CNTN5: variants seen among roughly 807,000 people sequenced by gnomAD.
The protein encoded by CNTN5 is contactin 5, also known as contactin-5.
In CNTN5, 77 loss-of-function variants were observed where a neutral mutation model predicts 129.1. The ratio of observed to expected loss-of-function variants is 0.60; its 90% CI spans 0.50 to 0.72. The LOEUF is 0.72. CNTN5 is among the 30% of genes least tolerant of loss of function. CNTN5 has a pLI of 0.00. For missense variants in CNTN5, 1,478 were observed against 1,328.8 expected, an observed-to-expected ratio of 1.11 and a Z score of -1.75; for synonymous variants, 509 against 465.6, an observed-to-expected ratio of 1.09 and a Z score of -1.20.
chr11:99,561,647 A>G (rs1948846522), intron 3 of CNTN5, among the ~76,000 whole-genome samples: 1 of 6,748 alleles, frequency 1.5e-4, no homozygotes, highest in African/African-American at 3.3e-4. Context: ...GAGATAAGTC[A>G]TGTTGATGAT....
At chr11:99,681,009 A>C (rs1290801451) in intron 3 of CNTN5, among the ~76,000 whole-genome samples, 13 of 151,978 alleles carry the variant, frequency 8.6e-5, no homozygotes, top group African/African-American at 3.1e-4. Context: ...ACTTCAGTGG[A>C]AGAAGTAACT....
At chr11:99,992,209 T>A (rs1939148043) in intron 8 of CNTN5, among the ~76,000 whole-genome samples, 2 of 152,094 alleles carry the variant, frequency 1.3e-5, no homozygotes. Context: ...ACTCCAGCAA[T>A]GATTATTACT....
At chr11:99,203,383 AG>A (rs2135638498) in intron 1 of CNTN5, among the ~76,000 whole-genome samples, 1 of 152,308 alleles carries the variant, frequency 6.6e-6, no homozygotes, top group Admixed American at 6.5e-5. Context: ...AAGAAAATTT[AG>A]GTGTAATCTA....
At chr11:99,735,519 AG>A (rs1943677031) in intron 3 of CNTN5, among the ~76,000 whole-genome samples, 1 of 24,488 alleles carries the variant, frequency 4.1e-5, no homozygotes, top group Admixed American at 5.1e-4. Context: ...TTTTTTGATC[AG>A]GAGATCAAAA....
chr11:99,156,066 T>G (rs1452475481), intron 1 of CNTN5, among the ~76,000 whole-genome samples: 1 of 151,892 alleles, frequency 6.6e-6, no homozygotes. Flanking sequence ...CCCAAAACAA[T>G]GCCTAGATAC....
intron 13 of CNTN5, among the ~76,000 whole-genome samples, chr11:100,149,903 A>AAAAAAG (rs886944242): frequency 2.0e-5 from 3 of 150,064 alleles, no homozygotes; most frequent in Admixed American, 6.6e-5. Flanking sequence ...CAAAAAAAAA[A>AAAAAAG]AAAAGAAAAG....
intron 2 of CNTN5, among the ~76,000 whole-genome samples, chr11:99,355,108 C>T (rs1710940351): frequency 6.6e-6 from 1 of 152,156 alleles, no homozygotes; most frequent in Non-Finnish European, 1.5e-5. Flanking sequence ...CTCCTCAGAT[C>T]AGACTTTCCT....
chr11:100,149,902 A>G (rs1402293057), intron 13 of CNTN5, among the ~76,000 whole-genome samples: 1 of 150,142 alleles, frequency 6.7e-6, no homozygotes, highest in Non-Finnish European at 1.5e-5. Flanking sequence ...TCAAAAAAAA[A>G]AAAAAGAAAA....
intron 1 of CNTN5, among the ~76,000 whole-genome samples, chr11:99,102,634 C>G: frequency 6.6e-6 from 1 of 152,152 alleles, no homozygotes; most frequent in East Asian, 1.9e-4. Flanking sequence ...TACTCCAGTT[C>G]CCAACAAGTT....
At chr11:99,960,755 G>C (rs1565724549) in intron 8 of CNTN5, among the ~76,000 whole-genome samples, 1 of 152,096 alleles carries the variant, frequency 6.6e-6, no homozygotes, top group Non-Finnish European at 1.5e-5. Context: ...GCATTGGTGT[G>C]GTTAAGAAAT....
chr11:99,897,030 C>T (rs963746426), intron 6 of CNTN5, among the ~76,000 whole-genome samples: 1 of 152,060 alleles, frequency 6.6e-6, no homozygotes, highest in African/African-American at 2.4e-5. Flanking sequence ...TAGCGAGCAT[C>T]TGAACTAGAC....
Position 99,433,187 on chromosome 11 carries a change from G to T in CNTN5, c.-71+107703G>T, listed in dbSNP as rs529349289. Among the ~76,000 whole-genome samples the T allele has an allele frequency of 1.2e-4, 18 of 152,142 alleles. No individual in the cohort carries two copies. In the South Asian group the frequency reaches 3.7e-3, roughly 32 times the overall value. On this transcript the variant is annotated intron_variant, in intron 2 of 24. Transcript: ENST00000524871. ...ATTGTGCTGTAGAGAAAACATGACTGCTTGAGAGTACAGCAGAGAAAGCAA... is the reference window on the plus strand; with the variant it reads ...ATTGTGCTGTAGAGAAAACATGACTTCTTGAGAGTACAGCAGAGAAAGCAA...
intron 9 of CNTN5, among the ~76,000 whole-genome samples, chr11:100,009,921 T>C (rs1478352171): frequency 6.6e-6 from 1 of 152,164 alleles, no homozygotes; most frequent in East Asian, 1.9e-4. Context: ...TTACATAACA[T>C]TTCAAACCGG....
At position 99,241,774 on chromosome 11, in the gene CNTN5, A is replaced by G. The variant is rs535094240; in HGVS notation, c.-209-83572A>G. On this transcript the variant is annotated intron_variant, in intron 1 of 24. Transcript: ENST00000524871. ...AGATCACAATTCACAGTTATGTATC[A>G]AAAGCTCCAAGAAAGTCTGTAGTAA... Among the ~76,000 whole-genome samples the G allele has an allele frequency of 1.5e-4, 23 of 152,268 alleles. 1 individual carries two copies. The South Asian group carries it at 4.8e-3, about 32-fold the overall frequency.
At chr11:99,925,895 C>A (rs1190228467) in intron 7 of CNTN5, among the ~76,000 whole-genome samples, 1 of 152,094 alleles carries the variant, frequency 6.6e-6, no homozygotes, top group Non-Finnish European at 1.5e-5. Context: ...ATATTCTCTG[C>A]TTCTAAATAG....
intron 1 of CNTN5, among the ~76,000 whole-genome samples, chr11:99,030,686 T>G (rs940180140): frequency 6.6e-6 from 1 of 152,176 alleles, no homozygotes; most frequent in Admixed American, 6.5e-5. Context: ...CCAATTATAT[T>G]ATTTTTTCAC....
intron 3 of CNTN5, among the ~76,000 whole-genome samples, chr11:99,803,811 A>G (rs117553310): frequency 0.035 from 5,331 of 152,258 alleles, 139 homozygotes; most frequent in South Asian, 0.097. Flanking sequence ...GTCCCGTTAC[A>G]GTGCTCTCTT....
intron 1 of CNTN5, among the ~76,000 whole-genome samples, chr11:99,300,179 C>T (rs531324240): frequency 2.0e-5 from 3 of 152,162 alleles, no homozygotes; most frequent in South Asian, 2.1e-4. Context: ...GTGAAAATGG[C>T]GTCCTTGCCT....
At chr11:100,317,540 C>G (rs1951594380) in intron 21 of CNTN5, among the ~76,000 whole-genome samples, 1 of 152,012 alleles carries the variant, frequency 6.6e-6, no homozygotes, top group Non-Finnish European at 1.5e-5. Flanking sequence ...TCTGAGGACT[C>G]TCATTTAAAT....
Sources: gnomAD v4.1 joint callset for allele counts (sites outside exome capture counted in the v4.1 genomes callset) on GRCh38, gnomAD v4.1.1 for gene constraint, MANE v1.5 for transcripts, NCBI Gene and HGNC (gene_info 2026-07-23, HGNC 2026-07-21) for gene names.